DYNC1H1: variants seen among roughly 807,000 people sequenced by gnomAD.
DYNC1H1 encodes the protein dynein cytoplasmic 1 heavy chain 1.
A neutral mutation model predicts 527.1 loss-of-function variants in DYNC1H1; 51 were observed. The observed-to-expected ratio is 0.10, with a 90% CI of 0.08 to 0.12. The LOEUF is 0.12. Among genes scored for constraint, DYNC1H1 ranks in the 10% least tolerant of loss-of-function variants. The probability of loss-of-function intolerance (pLI) is 1.00; values close to 1 mark genes in which losing one functional copy is unlikely to be tolerated. For synonymous variants in DYNC1H1, 2,189 were observed against 2,278.8 expected (o/e 0.96, Z 1.12); for missense variants, 2,771 against 5,971.8 (o/e 0.46, Z 17.66).
intron 2 of DYNC1H1, among the ~76,000 whole-genome samples, chr14:101,976,840 T>C (rs1015837365): frequency 6.6e-6 from 1 of 152,100 alleles, no homozygotes; most frequent in Admixed American, 6.6e-5. Flanking sequence ...ATACATACAA[T>C]ACAAAAATAA....
rs2152577495 is a variant in DYNC1H1 at position 102,009,907 on chromosome 14, C to T, written c.6042C>T (p.Ile2014=). The change falls in exon 30 of 78, where the codon ATC becomes ATT. Residue 2014 remains isoleucine (I), a synonymous_variant. Coordinates refer to ENST00000360184, the MANE Select transcript of DYNC1H1 (RefSeq NM_001376.5). ...TCAAGGTGAGCCCGGACATGGCCAT[C>T]TTCATCACCATGAACCCTGGCTACG... ...KQVKVSPDMA[I]FITMNPGYAG... 6.2e-7 allele frequency: 1 copy of T among 1,614,070 alleles called. No homozygotes were observed. Among genetic ancestry groups the T allele is most frequent in the Non-Finnish European group, 8.5e-7 (1 of 1,180,024 alleles).
At chr14:102,050,276 G>T (rs2048789769) in intron 77 of DYNC1H1, 78 bp downstream of exon 77, 3 of 1,612,498 alleles carry the variant, frequency 1.9e-6, no homozygotes, top group Admixed American at 1.7e-5. Flanking sequence ...CCTCTTCTAT[G>T]CCTGGGTTCC....
At position 101,979,424 on chromosome 14, in the gene DYNC1H1, T is replaced by C; in HGVS notation, c.450T>C (p.His150=). Reference sequence around the variant, plus strand: ...AAGACTCGCCCTACGAAACTTTGCATTCTTTCATTAGCAATGCAGTGGCTC... The same window carrying C: ...AAGACTCGCCCTACGAAACTTTGCACTCTTTCATTAGCAATGCAGTGGCTC... ...LSEDSPYETL[H]SFISNAVAPF... Residue 150 remains histidine, a synonymous_variant, in exon 3 of 78, where the codon CAT becomes CAC. Coordinates refer to ENST00000360184, the MANE Select transcript of DYNC1H1 (RefSeq NM_001376.5). This position sits in a 1 kb window ranked among gnomAD's most constrained non-coding sequence, Gnocchi z 4.6. The C allele has an allele frequency of 6.2e-7, 1 of 1,614,218 alleles. No homozygotes were observed. Among genetic ancestry groups the C allele is most frequent in the Non-Finnish European group, 8.5e-7 (1 of 1,180,036 alleles).
chr14:102,001,357 G>C lies in DYNC1H1; in HGVS notation c.4395+3G>C, dbSNP rs778429583. 6.2e-7 allele frequency: 1 copy of C among 1,614,126 alleles called. No homozygotes were observed. The highest frequency in any genetic ancestry group is 8.5e-7 in the Non-Finnish European group (1 of 1,180,022). The stretch of plus-strand genomic sequence containing the variant: ...CTTTGGAAGAATTTTTGAAGCAGGC[G>C]AGTAATAGGACTGAACGGCTGCTTT... On this transcript the variant is annotated splice_donor_region_variant and intron_variant, in intron 20 of 77. Coordinates refer to ENST00000360184, the MANE Select transcript of DYNC1H1 (RefSeq NM_001376.5). This position sits in a 1 kb window ranked among gnomAD's most constrained non-coding sequence, Gnocchi z 5.0.
chr14:101,992,867 G>T (rs2048013799), intron 11 of DYNC1H1, among the ~76,000 whole-genome samples: 1 of 152,162 alleles, frequency 6.6e-6, no homozygotes, highest in Non-Finnish European at 1.5e-5. Context: ...CTCCTTTCTC[G>T]GTTCCTCTTT....
chr14:102,042,626 C>G lies in DYNC1H1; in HGVS notation c.12400-9C>G, dbSNP rs1595632166. ...ACCCGAGCATAACTGGAACGGCGCT[C>G]TCCCTTAGGTGCCTGTGAATCTGCT... On this transcript the variant is annotated splice_polypyrimidine_tract_variant and intron_variant, in intron 68 of 77. Coordinates refer to ENST00000360184, the MANE Select transcript of DYNC1H1 (RefSeq NM_001376.5). This position sits in a 1 kb window ranked among gnomAD's most constrained non-coding sequence, Gnocchi z 5.7. The G allele has an allele frequency of 1.2e-6, 2 of 1,614,056 alleles. No homozygotes were observed. Among genetic ancestry groups the G allele is most frequent in the East Asian group, 2.2e-5 (1 of 44,884 alleles).
chr14:102,000,744 T>G (rs1259084662), intron 18 of DYNC1H1: 3 of 536,434 alleles, frequency 5.6e-6, no homozygotes, highest in Non-Finnish European at 1.0e-5. Flanking sequence ...CCGGCTAATT[T>G]TGTATTTTTA....
intron 10 of DYNC1H1, 37 bp downstream of exon 10, chr14:101,988,889 G>A: frequency 6.2e-7 from 1 of 1,613,366 alleles, no homozygotes. Flanking sequence ...ACTAATAAGT[G>A]AAATAACAAA....
At chr14:101,995,467 C>T (rs866180886) in intron 15 of DYNC1H1, among the ~76,000 whole-genome samples, 167 bp downstream of exon 15, 8 of 151,924 alleles carry the variant, frequency 5.3e-5, no homozygotes, top group East Asian at 3.9e-4. Context: ...AAAAATTAGC[C>T]GGGTGTGGTG....
Position 102,011,070 on chromosome 14 carries a change from ATATGCTT to A in DYNC1H1, c.6618+123_6618+129del, listed in dbSNP as rs2048253703. The A allele has an allele frequency of 1.8e-6, 2 of 1,091,836 alleles. No individual in the cohort carries two copies. Among genetic ancestry groups the A allele is most frequent in the Non-Finnish European group, 2.8e-6 (2 of 715,004 alleles). The allele number at this position is 1,091,836 out of a possible 1,614,324, so 67.6% of individuals were successfully genotyped here. A position where few individuals can be genotyped will look rare whatever the true frequency, so the allele number is the denominator to read the frequency against. On this transcript the variant is annotated intron_variant, in intron 32 of 77. Coordinates refer to ENST00000360184, the MANE Select transcript of DYNC1H1 (RefSeq NM_001376.5). The surrounding 1 kb of genome is among the most constrained non-coding windows in gnomAD (Gnocchi z 5.3). ...TCCACAAAGGCTGTGGAGGTGCATA[ATATGCTT>A]TATGAAGATTTGCCCAAGGCCTATT...
At chr14:102,022,608 A>G in intron 42 of DYNC1H1, 143 bp from the exon 43 acceptor site, 4 of 1,129,312 alleles carry the variant, frequency 3.5e-6, no homozygotes, top group Non-Finnish European at 5.3e-6. Context: ...TTTTAGGTTC[A>G]TCCATGCATA....
intron 43 of DYNC1H1, among the ~76,000 whole-genome samples, chr14:102,024,616 A>G (rs1380911854): frequency 1.3e-5 from 2 of 149,886 alleles, no homozygotes; most frequent in African/African-American, 2.5e-5. Flanking sequence ...TTTTCTATAT[A>G]TTTTAAGACT....
chr14:102,026,201 C>T (rs982269378), intron 43 of DYNC1H1, among the ~76,000 whole-genome samples: 1 of 151,868 alleles, frequency 6.6e-6, no homozygotes, highest in African/African-American at 2.4e-5. Context: ...AATGGCTTGT[C>T]AGGTTGCACC....
Position 102,042,373 on chromosome 14 carries a change from T to C in DYNC1H1, c.12276-11T>C, listed in dbSNP as rs1008735664. The C allele has an allele frequency of 3.7e-6, 6 of 1,614,174 alleles. No individual in the cohort carries two copies. Among genetic ancestry groups the C allele is most frequent in the Non-Finnish European group, 4.2e-6 (5 of 1,180,038 alleles). The stretch of plus-strand genomic sequence containing the variant: ...CTGGCATGCTGTGTGACTCTCACTT[T>C]GTGTGTGCAGGTGGGTGATGCTGAA... On this transcript the variant is annotated splice_polypyrimidine_tract_variant and intron_variant, in intron 67 of 77. Coordinates refer to ENST00000360184, the MANE Select transcript of DYNC1H1 (RefSeq NM_001376.5). The surrounding 1 kb of genome is among the most constrained non-coding windows in gnomAD (Gnocchi z 5.7).
chr14:102,024,384 C>T (rs1387603845), intron 43 of DYNC1H1, among the ~76,000 whole-genome samples: 3 of 152,164 alleles, frequency 2.0e-5, no homozygotes, highest in Non-Finnish European at 4.4e-5. Flanking sequence ...GCTCCCACTC[C>T]AGTGGAGGAA....
intron 13 of DYNC1H1, 44 bp from the exon 14 acceptor site, chr14:101,994,942 G>T (rs772921099): frequency 6.2e-7 from 1 of 1,613,028 alleles, no homozygotes; most frequent in Non-Finnish European, 8.5e-7. Context: ...AAACACGCCA[G>T]CAGGAAAGAG....
rs765884337 is a variant in DYNC1H1, at chr14:102,029,970, A to G, written c.9762+32A>G. 3.7e-6 allele frequency: 6 copies of G among 1,613,994 alleles called. No individual in the cohort carries two copies. The highest frequency in any genetic ancestry group is 4.5e-5 in the East Asian group (2 of 44,888). ...TGTCAGGGAATTCTGGCCTGTAAGGACTGAGCATTTTCAGTCTCCAATGAG... is the reference window on the plus strand; with the variant it reads ...TGTCAGGGAATTCTGGCCTGTAAGGGCTGAGCATTTTCAGTCTCCAATGAG... On this transcript the variant is annotated intron_variant, in intron 50 of 77. Coordinates refer to ENST00000360184, the MANE Select transcript of DYNC1H1 (RefSeq NM_001376.5). This position sits in a 1 kb window ranked among gnomAD's most constrained non-coding sequence, Gnocchi z 5.3.
Position 102,052,829 on chromosome 14 carries a change from C to G in DYNC1H1, c.*2266C>G, listed in dbSNP as rs1341525102. On this transcript the variant is annotated 3_prime_UTR_variant, in exon 78 of 78. Transcript: ENST00000360184. ...CGGGCCCAGCTGGCCACTTCTATGA[C>G]AAGAATGTGGGTTTTTTGTGACAGG... 3 of 152,206 alleles carry G rather than the reference C, an allele frequency of 2.0e-5. No individual in the cohort carries two copies. Among genetic ancestry groups the G allele is most frequent in the Admixed American group, 2.0e-4 (3 of 15,276 alleles). 9.4% of individuals were successfully genotyped at this position (152,206 alleles called of 1,614,324 possible).
At position 102,033,158 on chromosome 14, in the gene DYNC1H1, T is replaced by C; in HGVS notation, c.10173T>C (p.Pro3391=). 2 of 1,614,192 alleles carry C rather than the reference T, an allele frequency of 1.2e-6. No individual in the cohort carries two copies. Among genetic ancestry groups the C allele is most frequent in the Non-Finnish European group, 1.7e-6 (2 of 1,180,034 alleles). Residue 3391 remains proline (P), a synonymous_variant, in exon 53 of 78, where the codon CCT becomes CCC. Coordinates refer to ENST00000360184, the MANE Select transcript of DYNC1H1 (RefSeq NM_001376.5). This position sits in a 1 kb window ranked among gnomAD's most constrained non-coding sequence, Gnocchi z 5.6. ...IVNRASLACG[P]MVKWAIAQLN... is the part of the protein sequence containing the mutation. Reference sequence around the variant, plus strand: ...ATCGGGCTTCCCTGGCTTGCGGCCCTATGGTGAAATGGGCAATTGCACAGG... The same window carrying C: ...ATCGGGCTTCCCTGGCTTGCGGCCCCATGGTGAAATGGGCAATTGCACAGG...
Sources: allele counts gnomAD v4.1 joint callset (sites outside exome capture counted in the v4.1 genomes callset), GRCh38; gene constraint gnomAD v4.1.1; non-coding constraint Gnocchi (gnomAD v3.1); transcripts MANE v1.5; gene names NCBI Gene and HGNC (gene_info 2026-07-23, HGNC 2026-07-21).